The following HENMT1 variants were observed in gnomAD, a reference collection of about 807,000 sequenced individuals.
HENMT1 encodes the protein small RNA 2'-O-methyltransferase.
In HENMT1, 27 loss-of-function variants were observed where a neutral mutation model predicts 31.1. The ratio of observed to expected loss-of-function variants is 0.87; its 90% CI spans 0.64 to 1.20. The LOEUF is 1.20. Ranked by LOEUF, HENMT1 falls within the 50% of genes most tolerant of loss-of-function variation. The probability of loss-of-function intolerance (pLI) is 0.00; values close to 1 mark genes in which losing one functional copy is unlikely to be tolerated. For missense variants in HENMT1, 438 were observed against 469.6 expected (o/e 0.93, Z 0.62); for synonymous variants, 167 against 172.2 (o/e 0.97, Z 0.24).
chr1:108,653,732 A>G (rs773023386), intron 5 of HENMT1, among the ~76,000 whole-genome samples: 2 of 152,178 alleles, frequency 1.3e-5, no homozygotes, highest in Non-Finnish European at 1.5e-5. Context: ...CTTTTGAGAA[A>G]TATCTGTTCA....
At chr1:108,660,165 T>G (rs1406368261) in intron 1 of HENMT1, among the ~76,000 whole-genome samples, 1 of 151,446 alleles carries the variant, frequency 6.6e-6, no homozygotes, top group Non-Finnish European at 1.5e-5. Context: ...GAACAGATAT[T>G]TATACACCGA....
intron 6 of HENMT1, 72 bp downstream of exon 6, chr1:108,650,958 T>A: frequency 9.7e-7 from 1 of 1,031,376 alleles, no homozygotes; most frequent in Non-Finnish European, 1.5e-6. Context: ...AATGTATGTA[T>A]ATCAATATTT....
At chr1:108,650,948 A>G in intron 6 of HENMT1, 82 bp downstream of exon 6, 1 of 903,132 alleles carries the variant, frequency 1.1e-6, no homozygotes, top group Non-Finnish European at 1.7e-6. Flanking sequence ...CAATTTAGGT[A>G]ATGTATGTAT....
chr1:108,650,188 G>C (rs773520632), intron 7 of HENMT1, 23 bp downstream of exon 7: 66 of 1,607,106 alleles, frequency 4.1e-5, no homozygotes, highest in Non-Finnish European at 5.4e-5. Context: ...AGCCCTGATA[G>C]CTATCTCACA....
intron 7 of HENMT1, 71 bp downstream of exon 7, chr1:108,650,140 T>C: frequency 2.9e-6 from 4 of 1,362,800 alleles, no homozygotes; most frequent in Non-Finnish European, 4.2e-6. Context: ...TTGGGGATTC[T>C]TACTCCCCAA....
At chr1:108,649,032 A>T (rs544775858) in intron 7 of HENMT1, 41 bp from the exon 8 acceptor site, 1 of 1,452,444 alleles carries the variant, frequency 6.9e-7, no homozygotes, top group Non-Finnish European at 9.2e-7. Context: ...GTATAATAAT[A>T]TAAACATACA....
chr1:108,659,652 C>CT (rs1054304456), intron 2 of HENMT1, among the ~76,000 whole-genome samples: 1 of 152,196 alleles, frequency 6.6e-6, no homozygotes, highest in African/African-American at 2.4e-5. Context: ...GATTTTGCTA[C>CT]TTTAACACCT....
At chr1:108,657,371 A>G in intron 3 of HENMT1, 80 bp downstream of exon 3, 3 of 1,016,486 alleles carry the variant, frequency 3.0e-6, no homozygotes, top group South Asian at 1.4e-5. Context: ...GTCTCTCCAT[A>G]CTAATCCATT....
chr1:108,648,978 G>C lies in HENMT1; in HGVS notation c.770C>G (p.Ser257Ter). Residue 257 changes from serine (S) to a stop codon, truncating the protein, a stop_gained, in exon 8 of 8, where the codon TCA becomes TGA. Transcript: ENST00000651461. LOFTEE classifies it low-confidence loss of function (END_TRUNC). ...CCTTTCCTGCTGTAAGCTTGGGTAT[G>C]AGGTGGTAAAAACCTGAAGGGAAAA... ...QHVYKAVFTT[S>*]YPSLQQERFF... 6.3e-7 allele frequency: 1 copy of C among 1,590,196 alleles called. No individual in the cohort carries two copies. The highest frequency in any genetic ancestry group is 8.6e-7 in the Non-Finnish European group (1 of 1,167,718).
chr1:108,650,091 G>A (rs1031740756), intron 7 of HENMT1, 120 bp downstream of exon 7: 4 of 895,098 alleles, frequency 4.5e-6, no homozygotes, highest in African/African-American at 1.6e-5. Flanking sequence ...TTCTCCTAGA[G>A]TGAACCACAA....
chr1:108,657,073 T>C (rs1658267328), intron 3 of HENMT1, among the ~76,000 whole-genome samples: 1 of 152,216 alleles, frequency 6.6e-6, no homozygotes, highest in South Asian at 2.1e-4. Flanking sequence ...ATGATTATCA[T>C]GAATACTTGT....
At chr1:108,654,693 C>G (rs1658161409) in intron 5 of HENMT1, 23 bp downstream of exon 5, 1 of 1,611,636 alleles carries the variant, frequency 6.2e-7, no homozygotes, top group Non-Finnish European at 8.5e-7. Context: ...AACAGTTATA[C>G]AGTGTATCAG....
rs763598566 is a variant in HENMT1, at chr1:108,648,689, G to A, written c.1059C>T (p.Asn353=). The A allele has an allele frequency of 6.2e-7, 1 of 1,614,080 alleles. No homozygotes were observed. The highest frequency in any genetic ancestry group is 8.5e-7 in the Non-Finnish European group (1 of 1,180,034). ...TCATCTCTTCATTAGCACATAAGCG[G>A]TTCAACTTGGGATACGCAAGGAGTC... ...LQRLLAYPKL[N]RLCANEEMMR... is the part of the protein sequence containing the mutation. Residue 353 remains asparagine (N), a synonymous_variant, in exon 8 of 8, where the codon AAC becomes AAT. Transcript: ENST00000651461.
At position 108,659,908 on chromosome 1, in the gene HENMT1, C is replaced by T; in HGVS notation, c.-24G>A. 1 of 1,596,696 alleles carries T rather than the reference C, an allele frequency of 6.3e-7. No homozygotes were observed. On this transcript the variant is annotated 5_prime_UTR_variant, in exon 2 of 8. Coordinates refer to ENST00000651461, the MANE Select transcript of HENMT1 (RefSeq NM_001102592.2). The stretch of plus-strand genomic sequence containing the variant: ...ATTTTGTTTCGAAGTTTTGTTGAAA[C>T]AAAAATGAAGATTTATCCTTCAAGC...
At chr1:108,650,539 T>C in intron 6 of HENMT1, 151 bp from the exon 7 acceptor site, 1 of 718,710 alleles carries the variant, frequency 1.4e-6, no homozygotes, top group East Asian at 2.7e-5. Context: ...CCAGTGTATT[T>C]ATTTCTAAGA....
chr1:108,660,986 T>C lies in HENMT1; in HGVS notation c.-102A>G, dbSNP rs2101005473. ...ACTGAAACCAACGCTTCTGTCTTTG[T>C]ACGGGCCGTCGCTTCCATCATCCTG... On this transcript the variant is annotated 5_prime_UTR_variant, in exon 1 of 8. Coordinates refer to ENST00000651461, the MANE Select transcript of HENMT1 (RefSeq NM_001102592.2). 8 of 985,076 alleles carry C rather than the reference T, an allele frequency of 8.1e-6. No individual in the cohort carries two copies. The highest frequency in any genetic ancestry group is 6.1e-5 in the Admixed American group (1 of 16,266). 61.0% of individuals were successfully genotyped at this position (985,076 alleles called of 1,614,324 possible). A position where few individuals can be genotyped will look rare whatever the true frequency, so the allele number is the denominator to read the frequency against.
chr1:108,652,861 T>C (rs1453320167), intron 5 of HENMT1, among the ~76,000 whole-genome samples: 1 of 151,620 alleles, frequency 6.6e-6, no homozygotes, highest in African/African-American at 2.4e-5. Context: ...AAAGAATCAC[T>C]TGAACCCAGG....
At chr1:108,655,565 C>T in intron 4 of HENMT1, 21 bp downstream of exon 4, 1 of 1,350,562 alleles carries the variant, frequency 7.4e-7, no homozygotes, top group Non-Finnish European at 1.0e-6. Flanking sequence ...ACGCATAATT[C>T]TTTCAGAAAC....
chr1:108,650,125 C>T, intron 7 of HENMT1, 86 bp downstream of exon 7: 4 of 1,167,664 alleles, frequency 3.4e-6, no homozygotes, highest in Non-Finnish European at 5.1e-6. Flanking sequence ...ACACTCATCT[C>T]TACTTTGGGG....
Sources: allele counts gnomAD v4.1 joint callset (sites outside exome capture counted in the v4.1 genomes callset), GRCh38; gene constraint gnomAD v4.1.1; transcripts MANE v1.5; gene names NCBI Gene and HGNC (gene_info 2026-07-23, HGNC 2026-07-21).